EHBP1: variants seen among roughly 807,000 people sequenced by gnomAD.
EHBP1 encodes the protein EH domain-binding protein 1.
Under a neutral mutation model 144.0 loss-of-function variants are expected in EHBP1, and 55 were observed. The ratio of observed to expected loss-of-function variants is 0.38; its 90% CI spans 0.31 to 0.48. EHBP1 has a LOEUF of 0.48. Among genes scored for constraint, EHBP1 ranks in the 20% least tolerant of loss-of-function variants. The pLI is 0.98. For missense variants in EHBP1, 1,200 were observed against 1,364.2 expected (o/e 0.88, Z 1.90); for synonymous variants, 469 against 472.7 (o/e 0.99, Z 0.10).
At chr2:62,826,385 T>C in intron 6 of EHBP1, 117 bp downstream of exon 6, 1 of 997,440 alleles carries the variant, frequency 1.0e-6, no homozygotes, top group South Asian at 2.6e-5. Context: ...TTTTTGCCAT[T>C]CTTTGTTTCA....
At chr2:62,919,344 G>A (rs577302362) in intron 10 of EHBP1, among the ~76,000 whole-genome samples, 6 of 152,276 alleles carry the variant, frequency 3.9e-5, no homozygotes, top group African/African-American at 1.4e-4. Flanking sequence ...GACAGGCATT[G>A]AAGACTAGAC....
At chr2:62,910,086 G>A (rs2054100964) in intron 10 of EHBP1, among the ~76,000 whole-genome samples, 1 of 152,104 alleles carries the variant, frequency 6.6e-6, no homozygotes. Context: ...TTCAATCCAA[G>A]TATCCCCTAC....
At chr2:62,958,069 AC>A (rs2057806530) in intron 14 of EHBP1, among the ~76,000 whole-genome samples, 1 of 152,224 alleles carries the variant, frequency 6.6e-6, no homozygotes, top group African/African-American at 2.4e-5. Flanking sequence ...ACTGACAGTA[AC>A]AAGTGTGGAA....
chr2:62,943,761 T>G, intron 11 of EHBP1, 41 bp from the exon 12 acceptor site: 14 of 1,395,536 alleles, frequency 1.0e-5, no homozygotes, highest in Non-Finnish European at 1.2e-5. Context: ...GCTGTTTTTA[T>G]CAAATACTAT....
chr2:62,953,578 A>T (rs1299152233), intron 13 of EHBP1, among the ~76,000 whole-genome samples: 2 of 151,768 alleles, frequency 1.3e-5, no homozygotes, highest in Non-Finnish European at 1.5e-5. Context: ...ATAAAATAAT[A>T]AAAAAATTAT....
At chr2:62,841,310 A>G (rs1420770743) in intron 7 of EHBP1, among the ~76,000 whole-genome samples, 2 of 136,276 alleles carry the variant, frequency 1.5e-5, no homozygotes, top group Non-Finnish European at 3.0e-5. Flanking sequence ...TGGACACAGG[A>G]AGGGGAATAT....
At chr2:62,824,295 A>C (rs1367846725) in intron 5 of EHBP1, among the ~76,000 whole-genome samples, 3 of 152,004 alleles carry the variant, frequency 2.0e-5, no homozygotes, top group Admixed American at 2.0e-4. Context: ...AGATTTGTTT[A>C]ACAAAAACTG....
chr2:62,883,873 A>G (rs1487785711), intron 10 of EHBP1, among the ~76,000 whole-genome samples: 1 of 152,208 alleles, frequency 6.6e-6, no homozygotes, highest in Non-Finnish European at 1.5e-5. Context: ...TGGGAGGTTA[A>G]GGTGGGAGGA....
At chr2:62,682,335 G>T (rs891305689) in intron 1 of EHBP1, among the ~76,000 whole-genome samples, 1 of 152,218 alleles carries the variant, frequency 6.6e-6, no homozygotes, top group Non-Finnish European at 1.5e-5. Flanking sequence ...GAATAGCTAC[G>T]ATTTAAGTGG....
chr2:62,820,231 A>AT (rs2045816479), intron 5 of EHBP1, among the ~76,000 whole-genome samples: 1 of 151,646 alleles, frequency 6.6e-6, no homozygotes, highest in Non-Finnish European at 1.5e-5. Context: ...AAAAGAAAAA[A>AT]AAAAAAAAGA....
At chr2:62,753,378 G>A (rs945184861) in intron 3 of EHBP1, among the ~76,000 whole-genome samples, 11 of 152,070 alleles carry the variant, frequency 7.2e-5, no homozygotes, top group African/African-American at 2.7e-4. Flanking sequence ...TCTGCTATTA[G>A]TCTGATGGGC....
intron 2 of EHBP1, among the ~76,000 whole-genome samples, chr2:62,716,849 C>T (rs535308502): frequency 6.6e-6 from 1 of 152,312 alleles, no homozygotes; most frequent in South Asian, 2.1e-4. Context: ...TTTTTGCATT[C>T]CTGGCTGCCA....
At chr2:62,685,954 T>A (rs2033703512) in intron 1 of EHBP1, among the ~76,000 whole-genome samples, 1 of 152,242 alleles carries the variant, frequency 6.6e-6, no homozygotes. Context: ...TAAAAGGGAC[T>A]GATTCTTTAA....
chr2:62,818,712 T>G (rs1331433717), intron 5 of EHBP1, among the ~76,000 whole-genome samples: 1 of 152,096 alleles, frequency 6.6e-6, no homozygotes, highest in Non-Finnish European at 1.5e-5. Context: ...TAGAAAACAT[T>G]GACTAGAAAG....
intron 8 of EHBP1, among the ~76,000 whole-genome samples, chr2:62,862,478 C>T (rs984700880): frequency 3.9e-5 from 6 of 152,004 alleles, no homozygotes; most frequent in Non-Finnish European, 2.9e-5. Flanking sequence ...GGCGTGATGG[C>T]GGGCGCCTGT....
rs561761175 is a variant in EHBP1 at position 62,905,758 on chromosome 2, A to T, written c.1185+31226A>T. Among the ~76,000 whole-genome samples the T allele has an allele frequency of 2.0e-5, 3 of 152,188 alleles. No homozygotes were observed. The East Asian group carries it at 5.8e-4, about 29-fold the overall frequency. ...AGAATCACTTGAACCAGGGAGGCAG[A>T]GGTTGAAGTGAGCCGAGATCAAGCC... is the stretch of plus-strand genomic sequence containing the variant. On this transcript the variant is annotated intron_variant, in intron 10 of 22. Coordinates refer to ENST00000431489, the MANE Select transcript of EHBP1 (RefSeq NM_001142616.3).
At chr2:62,716,444 G>A (rs563981116) in intron 2 of EHBP1, among the ~76,000 whole-genome samples, 1 of 152,230 alleles carries the variant, frequency 6.6e-6, no homozygotes, top group Non-Finnish European at 1.5e-5. Flanking sequence ...TGTCTTTTAT[G>A]GTCATCTTCA....
At chr2:62,848,616 T>C (rs896540551) in intron 7 of EHBP1, among the ~76,000 whole-genome samples, 1 of 152,236 alleles carries the variant, frequency 6.6e-6, no homozygotes, top group Non-Finnish European at 1.5e-5. Context: ...ACTATTGATA[T>C]GCCCTACAAC....
intron 4 of EHBP1, among the ~76,000 whole-genome samples, chr2:62,766,959 A>T (rs1341407284): frequency 2.8e-5 from 3 of 107,388 alleles, no homozygotes; most frequent in South Asian, 2.7e-4. Flanking sequence ...GTGCTTCATT[A>T]AAAAAAAAAA....
Sources: gnomAD v4.1 joint callset for allele counts (sites outside exome capture counted in the v4.1 genomes callset) on GRCh38, gnomAD v4.1.1 for gene constraint, MANE v1.5 for transcripts, NCBI Gene and HGNC (gene_info 2026-07-23, HGNC 2026-07-21) for gene names.